The following DENND2B variants were observed in gnomAD, a reference collection of about 807,000 sequenced individuals.
DENND2B encodes the protein DENN domain-containing protein 2B.
DENND2B carries 32 observed loss-of-function variants against 116.0 expected under a neutral mutation model. The observed-to-expected ratio is 0.28, with a 90% CI of 0.21 to 0.37. The LOEUF is 0.37. Among genes scored for constraint, DENND2B ranks in the 10% least tolerant of loss-of-function variants. The pLI, the probability that DENND2B is intolerant of heterozygous loss-of-function variation, is 1.00. For synonymous variants in DENND2B, 588 were observed against 583.9 expected (o/e 1.01, Z -0.10); for missense variants, 1,276 against 1,477.7 (o/e 0.86, Z 2.24).
chr11:8,771,181 C>T (rs146156225), intron 1 of DENND2B, among the ~76,000 whole-genome samples: 13 of 152,238 alleles, frequency 8.5e-5, no homozygotes, highest in African/African-American at 2.6e-4. Context: ...AGCACAAAGA[C>T]GCCAGAAAGT....
intron 4 of DENND2B, among the ~76,000 whole-genome samples, chr11:8,825,209 C>A (rs1338861828): frequency 2.0e-5 from 3 of 152,074 alleles, no homozygotes; most frequent in Non-Finnish European, 4.4e-5. Context: ...TTTTTAATAA[C>A]AGCCATTCTG....
upstream of DENND2B, among the ~76,000 whole-genome samples, chr11:8,875,998 C>A (rs2063837538): frequency 1.3e-5 from 2 of 152,102 alleles, no homozygotes; most frequent in South Asian, 4.1e-4. Flanking sequence ...TAGATCTACA[C>A]AGAATTAAAG....
chr11:8,735,107 T>G (rs1179519726), intron 2 of DENND2B, among the ~76,000 whole-genome samples: 2 of 152,016 alleles, frequency 1.3e-5, no homozygotes, highest in Non-Finnish European at 2.9e-5. Context: ...GAATCTTGGT[T>G]GATCTCGGTG....
chr11:8,696,346 G>C, intron 18 of DENND2B, 81 bp downstream of exon 18: 1 of 1,566,300 alleles, frequency 6.4e-7, no homozygotes, highest in Non-Finnish European at 8.6e-7. Flanking sequence ...TGATGTCCAA[G>C]AGCTTCCATC....
intron 1 of DENND2B, chr11:8,774,006 T>G: frequency 1.7e-6 from 1 of 585,616 alleles, no homozygotes; most frequent in Non-Finnish European, 2.2e-6. Flanking sequence ...AAGCTTTGGA[T>G]GTGTTGCCTA....
At chr11:8,753,526 G>A (rs1057207093) in intron 1 of DENND2B, among the ~76,000 whole-genome samples, 5 of 152,118 alleles carry the variant, frequency 3.3e-5, no homozygotes, top group African/African-American at 1.2e-4. Flanking sequence ...CCATCAAAAT[G>A]CCAGCTAGCT....
At chr11:8,860,974 G>T (rs2063370247) in intron 2 of DENND2B, among the ~76,000 whole-genome samples, 1 of 152,098 alleles carries the variant, frequency 6.6e-6, no homozygotes, top group South Asian at 2.1e-4. Flanking sequence ...GGGAAAACTG[G>T]CTAGCCACAC....
intron 1 of DENND2B, among the ~76,000 whole-genome samples, chr11:8,771,148 C>A (rs961136840): frequency 6.6e-6 from 1 of 152,138 alleles, no homozygotes; most frequent in Non-Finnish European, 1.5e-5. Flanking sequence ...GCAAGAGCAG[C>A]GGGATGCACA....
intron 17 of DENND2B, 25 bp downstream of exon 17, chr11:8,697,499 TG>T (rs1197795851): frequency 1.9e-6 from 3 of 1,584,582 alleles, no homozygotes; most frequent in Non-Finnish European, 2.6e-6. Context: ...GGAGCAGAGC[TG>T]ACCGTGCCCG....
upstream of DENND2B, chr11:8,810,718 C>G (rs1451679952): frequency 6.6e-6 from 1 of 152,278 alleles, no homozygotes; most frequent in South Asian, 2.1e-4. Flanking sequence ...CATGGAGACC[C>G]TGTCCTCGCT....
chr11:8,699,686 A>G (rs1281228209), intron 14 of DENND2B, among the ~76,000 whole-genome samples: 16 of 152,188 alleles, frequency 1.1e-4, no homozygotes, highest in Admixed American at 1.0e-3. Flanking sequence ...TTTGGGGGGC[A>G]CATCAGTGGG....
chr11:8,816,702 C>G (rs576745879), intron 4 of DENND2B, among the ~76,000 whole-genome samples: 2 of 152,304 alleles, frequency 1.3e-5, no homozygotes, highest in East Asian at 3.9e-4. Context: ...AAGAGGGAAG[C>G]TTTTAAAATT....
intron 3 of DENND2B, among the ~76,000 whole-genome samples, chr11:8,728,412 T>C (rs1295229020): frequency 2.0e-5 from 3 of 152,216 alleles, no homozygotes; most frequent in Admixed American, 6.5e-5. Context: ...CTGTGTGAAA[T>C]GGCATACAGA....
At chr11:8,814,394 C>T (rs79429196), upstream of DENND2B, among the ~76,000 whole-genome samples, 3,203 of 151,548 alleles carry the variant, frequency 0.021, 90 homozygotes, top group East Asian at 0.1. Context: ...CATGATTCTC[C>T]TCCTGCCTTC....
intron 1 of DENND2B, chr11:8,807,908 G>C (rs2061017476): frequency 6.6e-6 from 1 of 152,282 alleles, no homozygotes; most frequent in African/African-American, 2.4e-5. Flanking sequence ...TGGCTGGCAG[G>C]TCTTCCCCAT....
At position 8,730,661 on chromosome 11, in the gene DENND2B, ACCACGCTGGGACAGC is replaced by A. The variant is rs1477159636; in HGVS notation, c.614_628del (p.Gly205_Val209del). On this transcript the variant is annotated inframe_deletion, in exon 3 of 20. Transcript: ENST00000313726. This position sits in a 1 kb window ranked among gnomAD's most constrained non-coding sequence, Gnocchi z 4.1. ...CTTTTCAGAGCTGCAGGGGGACGGCACCACGCTGGGACAGCCCAGGCTGGGGCAGCCCTCACTGGC... is the reference window on the plus strand; with the variant it reads ...CTTTTCAGAGCTGCAGGGGGACGGCACCAGGCTGGGGCAGCCCTCACTGGC... The A allele has an allele frequency of 4.3e-6, 7 of 1,612,330 alleles. No homozygotes were observed. In the African/African-American group the frequency reaches 9.3e-5, roughly 22 times the overall value.
rs747153627 is a variant in DENND2B, at chr11:8,750,658, C to T, written c.43G>A (p.Ala15Thr). ...CCCCGAGGGGCTTTAGTGCCACCAG[C>T]TCCGTGGGTGATGCTGGAATTCTTG... is the stretch of plus-strand genomic sequence containing the variant. ...ANKNSSITHGAGGTKAPRGTL... is the reference protein window; with the variant it reads ...ANKNSSITHGTGGTKAPRGTL... The change falls in exon 2 of 20, where the codon GCT (alanine) becomes ACT (threonine). Residue 15 changes from alanine (A) to threonine (T), a missense_variant. Ala to Thr is a moderately conservative substitution (Grantham distance 58). This residue lies in a region of DENND2B where 856 missense variants were observed against 846.6 expected (regional missense o/e 1.01). Transcript: ENST00000313726. 2.5e-6 allele frequency: 4 copies of T among 1,614,050 alleles called. No homozygotes were observed. Among genetic ancestry groups the T allele is most frequent in the Non-Finnish European group, 2.5e-6 (3 of 1,180,042 alleles).
At chr11:8,744,244 C>G (rs2050806356) in intron 2 of DENND2B, among the ~76,000 whole-genome samples, 1 of 151,816 alleles carries the variant, frequency 6.6e-6, no homozygotes, top group African/African-American at 2.4e-5. Context: ...AGGGATTCTC[C>G]TGCCTCAGGC....
At chr11:8,763,026 T>C (rs2054971471) in intron 1 of DENND2B, among the ~76,000 whole-genome samples, 1 of 152,002 alleles carries the variant, frequency 6.6e-6, no homozygotes, top group African/African-American at 2.4e-5. Context: ...ATCCAGAATA[T>C]ATGAGGAACT....
Sources: gnomAD v4.1 joint callset for allele counts (sites outside exome capture counted in the v4.1 genomes callset) on GRCh38, gnomAD v4.1.1 for gene constraint, gnomAD v4.1.1 regional missense constraint, Gnocchi (gnomAD v3.1) non-coding constraint, MANE v1.5 for transcripts, NCBI Gene and HGNC (gene_info 2026-07-23, HGNC 2026-07-21) for gene names.